Variants in LMBRD1 observed in about 807,000 individuals in gnomAD.
The protein encoded by LMBRD1 is lysosomal cobalamin transport escort protein LMBD1.
LMBRD1 carries 64 observed loss-of-function variants against 74.8 expected under a neutral mutation model. The ratio of observed to expected loss-of-function variants is 0.86; its 90% CI spans 0.70 to 1.05. The LOEUF (loss-of-function observed/expected upper bound fraction) is 1.05, where lower values mean the gene tolerates loss of function less well. Among genes scored for constraint, LMBRD1 ranks in the 50% least tolerant of loss-of-function variants. LMBRD1 has a pLI of 0.00. For missense variants in LMBRD1, 652 were observed against 645.9 expected (o/e 1.01, Z -0.10); for synonymous variants, 204 against 216.3 (o/e 0.94, Z 0.50).
chr6:69,682,447 G>A (rs753222947), intron 14 of LMBRD1, among the ~76,000 whole-genome samples: 3 of 151,910 alleles, frequency 2.0e-5, no homozygotes, highest in Non-Finnish European at 4.4e-5. Flanking sequence ...ATTTAAATAA[G>A]TTTAAAGCAT....
At chr6:69,731,788 A>G (rs1351995381) in intron 7 of LMBRD1, among the ~76,000 whole-genome samples, 1 of 152,124 alleles carries the variant, frequency 6.6e-6, no homozygotes, top group African/African-American at 2.4e-5. Context: ...GATTTAACAG[A>G]ATGTAACTCC....
At chr6:69,686,624 C>G (rs1765769761) in intron 14 of LMBRD1, among the ~76,000 whole-genome samples, 2 of 121,910 alleles carry the variant, frequency 1.6e-5, no homozygotes, top group African/African-American at 2.8e-5. Flanking sequence ...CTCTCTCTGT[C>G]TCTCTCAAAC....
At chr6:69,680,764 T>C (rs867465149) in intron 14 of LMBRD1, among the ~76,000 whole-genome samples, 4 of 152,206 alleles carry the variant, frequency 2.6e-5, no homozygotes, top group Middle Eastern at 3.4e-3. Flanking sequence ...AACTGGGATA[T>C]ACCCATATAA....
At chr6:69,723,500 A>G (rs1335661645) in intron 7 of LMBRD1, among the ~76,000 whole-genome samples, 1 of 152,162 alleles carries the variant, frequency 6.6e-6, no homozygotes, top group Non-Finnish European at 1.5e-5. Flanking sequence ...CAAAGCTACA[A>G]ATCAGTAACA....
rs777389981 is a variant in LMBRD1 at position 69,770,698 on chromosome 6, AAC to A, written c.307+9794_307+9795del. ...GCCAATATCTGTTCTTTGTGCTTAAAACACATCAAGGACCAAAAGAGATAAAG... is the reference window on the plus strand; with the variant it reads ...GCCAATATCTGTTCTTTGTGCTTAAAACATCAAGGACCAAAAGAGATAAAG... On this transcript the variant is annotated intron_variant, in intron 3 of 15. Transcript: ENST00000649934. Among the ~76,000 whole-genome samples, 9 of 152,336 alleles carry A rather than the reference AAC, an allele frequency of 5.9e-5. No homozygotes were observed. The South Asian group carries it at 1.2e-3, about 21-fold the overall frequency.
intron 3 of LMBRD1, among the ~76,000 whole-genome samples, chr6:69,778,962 C>T (rs7757629): frequency 0.051 from 7,759 of 152,010 alleles, 242 homozygotes; most frequent in Middle Eastern, 0.071. Flanking sequence ...CCAGGATGGG[C>T]GGATCACTAG....
chr6:69,702,476 C>G (rs796588819), intron 9 of LMBRD1, among the ~76,000 whole-genome samples: 12 of 151,812 alleles, frequency 7.9e-5, no homozygotes, highest in African/African-American at 1.9e-4. Flanking sequence ...AGAGTACTAA[C>G]AACACTGAAA....
chr6:69,778,046 C>CT (rs1488585018), intron 3 of LMBRD1, among the ~76,000 whole-genome samples: 1 of 152,206 alleles, frequency 6.6e-6, no homozygotes, highest in Non-Finnish European at 1.5e-5. Flanking sequence ...AGCCAAAGGC[C>CT]TATTAGCCAT....
At position 69,719,043 on chromosome 6, in the gene LMBRD1, T is replaced by G. The variant is rs1329808248; in HGVS notation, c.675A>C (p.Lys225Asn). 7 of 1,612,740 alleles carry G rather than the reference T, an allele frequency of 4.3e-6. No individual in the cohort carries two copies. The highest frequency in any genetic ancestry group is 5.1e-6 in the Non-Finnish European group (6 of 1,179,004). ...GMSALPLNLI[K>N]GTRSAAYERL... is the part of the protein sequence containing the mutation. Reference sequence around the variant, plus strand: ...GTTCATAAGCAGCGCTTCTAGTGCCTTTTATCAGATTTAAAGGTAACGCAG... The same window carrying G: ...GTTCATAAGCAGCGCTTCTAGTGCCGTTTATCAGATTTAAAGGTAACGCAG... The change falls in exon 8 of 16, where the codon AAA becomes AAC. Residue 225 changes from lysine to asparagine, a missense_variant. Coordinates refer to ENST00000649934, the MANE Select transcript of LMBRD1 (RefSeq NM_018368.4).
At chr6:69,712,355 T>C (rs2149852217) in intron 9 of LMBRD1, among the ~76,000 whole-genome samples, 1 of 152,182 alleles carries the variant, frequency 6.6e-6, no homozygotes, top group Admixed American at 6.5e-5. Context: ...AAATAATAAT[T>C]TTCCATGTCA....
At position 69,787,870 on chromosome 6, in the gene LMBRD1, A is replaced by G. The variant is rs189995127; in HGVS notation, c.246+2426T>C. On this transcript the variant is annotated intron_variant, in intron 2 of 15. Coordinates refer to ENST00000649934, the MANE Select transcript of LMBRD1 (RefSeq NM_018368.4). ...TTAACAAATATAGTGTGTTAACTACAGCCATATTTTTTTTCTTTTAAGGGC... is the reference window on the plus strand; with the variant it reads ...TTAACAAATATAGTGTGTTAACTACGGCCATATTTTTTTTCTTTTAAGGGC... 1.1e-4 allele frequency among the ~76,000 whole-genome samples: 17 copies of G among 152,350 alleles called. No individual in the cohort carries two copies. The East Asian group carries it at 3.3e-3, about 29-fold the overall frequency.
chr6:69,681,364 G>A (rs1562081175), intron 14 of LMBRD1, among the ~76,000 whole-genome samples: 1 of 151,830 alleles, frequency 6.6e-6, no homozygotes, highest in Non-Finnish European at 1.5e-5. Context: ...TTTAACAGCA[G>A]TCTTTAAGGA....
intron 9 of LMBRD1, among the ~76,000 whole-genome samples, chr6:69,704,434 A>C (rs985761109): frequency 6.6e-6 from 1 of 152,080 alleles, no homozygotes; most frequent in Non-Finnish European, 1.5e-5. Context: ...TATTTTATTC[A>C]ATTAGTTATC....
intron 3 of LMBRD1, among the ~76,000 whole-genome samples, chr6:69,775,526 A>G (rs568524072): frequency 9.8e-5 from 15 of 152,350 alleles, no homozygotes; most frequent in African/African-American, 3.4e-4. Context: ...ACAACAGTGG[A>G]TAAAACTGCT....
At position 69,697,683 on chromosome 6, in the gene LMBRD1, A is replaced by C; in HGVS notation, c.1339-42T>G. The C allele has an allele frequency of 4.3e-6, 5 of 1,169,762 alleles. No homozygotes were observed. In the Middle Eastern group the frequency reaches 6.2e-4, roughly 145 times the overall value. The allele number at this position is 1,169,762 out of a possible 1,614,324, so 72.5% of individuals were successfully genotyped here. ...CAGTTAAAATATAAAAACCGCATTAATAAATACATTTGGATTTAAAAAGTA... is the reference window on the plus strand; with the variant it reads ...CAGTTAAAATATAAAAACCGCATTACTAAATACATTTGGATTTAAAAAGTA... On this transcript the variant is annotated intron_variant, in intron 13 of 15. Transcript: ENST00000649934.
intron 6 of LMBRD1, 122 bp downstream of exon 6, chr6:69,741,667 G>T: frequency 1.5e-6 from 1 of 649,186 alleles, no homozygotes; most frequent in Non-Finnish European, 2.7e-6. Context: ...AGGATTACAG[G>T]CATGAGCCAC....
intron 3 of LMBRD1, among the ~76,000 whole-genome samples, chr6:69,772,172 G>T (rs1337980595): frequency 1.3e-5 from 2 of 152,146 alleles, no homozygotes; most frequent in African/African-American, 4.8e-5. Context: ...AGAGAGGTCT[G>T]CACAAAGATT....
intron 14 of LMBRD1, among the ~76,000 whole-genome samples, chr6:69,697,131 T>A (rs1410965568): frequency 1.3e-5 from 2 of 151,918 alleles, no homozygotes; most frequent in Non-Finnish European, 2.9e-5. Flanking sequence ...CAACTGTATG[T>A]TTTTAAAGTT....
chr6:69,676,678 A>C, intron 14 of LMBRD1, 137 bp from the exon 15 acceptor site: 2 of 743,858 alleles, frequency 2.7e-6, no homozygotes, highest in Non-Finnish European at 4.7e-6. Flanking sequence ...TGGTACTGAA[A>C]CTTAGGTCTC....
Sources: gnomAD v4.1 joint callset for allele counts (sites outside exome capture counted in the v4.1 genomes callset) on GRCh38, gnomAD v4.1.1 for gene constraint, MANE v1.5 for transcripts, NCBI Gene and HGNC (gene_info 2026-07-23, HGNC 2026-07-21) for gene names.